Variants in IL15 observed in about 807,000 individuals in gnomAD.
The protein encoded by IL15 is interleukin-15.
A neutral mutation model predicts 19.6 loss-of-function variants in IL15; 11 were observed. The ratio of observed to expected loss-of-function variants is 0.56; its 90% CI spans 0.35 to 0.93. The LOEUF (loss-of-function observed/expected upper bound fraction) is 0.93. IL15 is among the 40% of genes least tolerant of loss of function. The pLI is 0.01. For synonymous variants in IL15, 58 were observed against 59.6 expected (o/e 0.97, Z 0.12); for missense variants, 197 against 186.5 (o/e 1.06, Z -0.33).
intron 4 of IL15, 106 bp downstream of exon 4, chr4:141,720,672 T>G: frequency 9.6e-5 from 71 of 737,186 alleles, no homozygotes; most frequent in Non-Finnish European, 1.1e-4. Flanking sequence ...CTTATATCTC[T>G]AGGTACTCAG....
rs1729995814 is a variant in IL15, at chr4:141,719,372, T to C, written c.-93T>C. The C allele has an allele frequency of 4.3e-6, 3 of 699,460 alleles. No homozygotes were observed. The highest frequency in any genetic ancestry group is 3.4e-5 in the South Asian group (2 of 58,960). The allele number at this position is 699,460 out of a possible 1,614,324, so 43.3% of individuals were successfully genotyped here. A position where few individuals can be genotyped will look rare whatever the true frequency, so the allele number is the denominator to read the frequency against. On this transcript the variant is annotated 5_prime_UTR_variant, in exon 3 of 8. Transcript: ENST00000320650. ...GGATCATACTTTACCCTAGATTGTA[T>C]TGTAGGAGGCATTGTGGATGGATGG...
intron 1 of IL15, among the ~76,000 whole-genome samples, chr4:141,650,174 G>A (rs1281470073): frequency 1.3e-5 from 2 of 151,904 alleles, no homozygotes; most frequent in Non-Finnish European, 2.9e-5. Flanking sequence ...GAACTACAGT[G>A]AGCCAGGATG....
chr4:141,663,549 C>G (rs1335459967), intron 2 of IL15, among the ~76,000 whole-genome samples: 1 of 152,138 alleles, frequency 6.6e-6, no homozygotes, highest in African/African-American at 2.4e-5. Flanking sequence ...TAGAACTGTG[C>G]TTGGCAAAAA....
intron 2 of IL15, among the ~76,000 whole-genome samples, chr4:141,657,889 A>G (rs1417340823): frequency 1.3e-5 from 2 of 152,264 alleles, no homozygotes; most frequent in Non-Finnish European, 2.9e-5. Flanking sequence ...TATAATAAAT[A>G]CATAAACCAG....
At chr4:141,650,202 A>AG (rs113826481) in intron 1 of IL15, among the ~76,000 whole-genome samples, 5,887 of 152,130 alleles carry the variant, frequency 0.039, 363 homozygotes, top group African/African-American at 0.13. Flanking sequence ...GTTGTCACAG[A>AG]AAATTGTAAC....
intron 2 of IL15, among the ~76,000 whole-genome samples, chr4:141,714,374 A>G (rs1729804524): frequency 6.6e-6 from 1 of 151,906 alleles, no homozygotes; most frequent in South Asian, 2.1e-4. Context: ...CCCCTCTCTA[A>G]TAAGTCAGTC....
At chr4:141,653,689 A>C (rs1048965414) in intron 1 of IL15, among the ~76,000 whole-genome samples, 5 of 152,160 alleles carry the variant, frequency 3.3e-5, no homozygotes, top group African/African-American at 1.2e-4. Flanking sequence ...CATTGCATGC[A>C]TGTATTATAA....
intron 2 of IL15, among the ~76,000 whole-genome samples, chr4:141,683,983 T>C (rs1267267502): frequency 1.3e-5 from 2 of 152,224 alleles, no homozygotes; most frequent in African/African-American, 4.8e-5. Context: ...GAATACTTGA[T>C]ACATAGCAGG....
At chr4:141,656,936 C>T (rs923473748) in intron 2 of IL15, among the ~76,000 whole-genome samples, 6 of 152,090 alleles carry the variant, frequency 3.9e-5, no homozygotes, top group Admixed American at 1.3e-4. Flanking sequence ...AGTTCAGTCT[C>T]GATAACTAAA....
Position 141,693,287 on chromosome 4 carries a change from A to G in IL15, c.-99-26079A>G, listed in dbSNP as rs542679905. ...TGAGGGATACTGCCTTCATGGTCCAATCACCCCCCACTGGGTCCCTCCCTC... is the reference window on the plus strand; with the variant it reads ...TGAGGGATACTGCCTTCATGGTCCAGTCACCCCCCACTGGGTCCCTCCCTC... On this transcript the variant is annotated intron_variant, in intron 2 of 7. Coordinates refer to ENST00000320650, the MANE Select transcript of IL15 (RefSeq NM_000585.5). Among the ~76,000 whole-genome samples, 3 of 152,154 alleles carry G rather than the reference A, an allele frequency of 2.0e-5. No individual in the cohort carries two copies. In the East Asian group the frequency reaches 5.8e-4, roughly 30 times the overall value.
intron 2 of IL15, among the ~76,000 whole-genome samples, chr4:141,694,384 T>C (rs1236047463): frequency 6.6e-6 from 1 of 152,194 alleles, no homozygotes; most frequent in South Asian, 2.1e-4. Flanking sequence ...GCTTCACCAT[T>C]CAATATATGG....
intron 2 of IL15, among the ~76,000 whole-genome samples, chr4:141,690,545 A>G (rs934536510): frequency 3.9e-5 from 6 of 152,194 alleles, no homozygotes; most frequent in African/African-American, 1.4e-4. Context: ...TATTATTCCA[A>G]TCAGTTTCCT....
At chr4:141,689,126 C>A (rs1303674657) in intron 2 of IL15, 1 of 155,348 alleles carries the variant, frequency 6.4e-6, no homozygotes, top group African/African-American at 2.4e-5. Flanking sequence ...AGTGAAGCTG[C>A]AGACCTTCGC....
intron 6 of IL15, 117 bp downstream of exon 6, chr4:141,728,101 TA>T (rs1365470016): frequency 1.7e-6 from 1 of 581,640 alleles, no homozygotes; most frequent in Non-Finnish European, 3.0e-6. Flanking sequence ...TGTGTTTCTA[TA>T]ATATATGGTC....
At chr4:141,655,653 C>T (rs966925179) in intron 1 of IL15, among the ~76,000 whole-genome samples, 1 of 152,080 alleles carries the variant, frequency 6.6e-6, no homozygotes, top group Admixed American at 6.5e-5. Context: ...ATTAAATAAT[C>T]TGTTGCCATA....
intron 2 of IL15, among the ~76,000 whole-genome samples, chr4:141,670,040 C>T (rs955362922): frequency 1.3e-5 from 2 of 150,242 alleles, no homozygotes; most frequent in African/African-American, 4.9e-5. Flanking sequence ...TAGATTTTAC[C>T]TTATTTTTTC....
intron 2 of IL15, among the ~76,000 whole-genome samples, chr4:141,687,668 A>C (rs1728753439): frequency 6.6e-6 from 1 of 152,206 alleles, no homozygotes; most frequent in Non-Finnish European, 1.5e-5. Flanking sequence ...ATTTTTCATT[A>C]AAACCCTAGG....
intron 2 of IL15, among the ~76,000 whole-genome samples, chr4:141,681,703 A>G (rs1728537836): frequency 6.6e-6 from 1 of 152,070 alleles, no homozygotes. Context: ...ACTAAGAAAA[A>G]ATTTTTTCCC....
intron 2 of IL15, among the ~76,000 whole-genome samples, chr4:141,667,390 T>G (rs928485456): frequency 5.3e-5 from 8 of 152,164 alleles, no homozygotes; most frequent in African/African-American, 1.9e-4. Flanking sequence ...GTCAGGATGC[T>G]ATTTCCAGGT....
Sources: allele counts gnomAD v4.1 joint callset (sites outside exome capture counted in the v4.1 genomes callset), GRCh38; gene constraint gnomAD v4.1.1; transcripts MANE v1.5; gene names NCBI Gene and HGNC (gene_info 2026-07-23, HGNC 2026-07-21).